LAMA2: variants seen among roughly 807,000 people sequenced by gnomAD.
LAMA2 encodes the protein laminin subunit alpha 2, also known as laminin subunit alpha-2.
A neutral mutation model predicts 364.8 loss-of-function variants in LAMA2; 269 were observed. The observed-to-expected ratio is 0.74, with a 90% CI of 0.67 to 0.82. LAMA2 has a LOEUF of 0.82. Among genes scored for constraint, LAMA2 ranks in the 40% least tolerant of loss-of-function variants. The pLI is 0.00. For synonymous variants in LAMA2, 1,379 were observed against 1,370.6 expected (o/e 1.01, Z -0.14); for missense variants, 3,807 against 3,873.2 (o/e 0.98, Z 0.45).
In LAMA2 at chr6:128,949,491, G is replaced by C; in HGVS notation, c.112+66134G>C. On this transcript the variant is annotated intron_variant, in intron 1 of 64. Transcript: ENST00000421865. ...AAAAGAAAATAAATATCAAAATGTG[G>C]AAATGTTTGAAAAAGAAAGACAAGA... Among the ~76,000 whole-genome samples, 3 of 152,140 alleles carry C rather than the reference G, an allele frequency of 2.0e-5. No homozygotes were observed. The South Asian group carries it at 6.2e-4, about 32-fold the overall frequency.
chr6:129,367,471 C>T (rs1318278794), intron 33 of LAMA2, among the ~76,000 whole-genome samples: 1 of 152,114 alleles, frequency 6.6e-6, no homozygotes, highest in Non-Finnish European at 1.5e-5. Context: ...CGCACAGAGA[C>T]TGGAGAAATC....
At chr6:129,147,264 C>CTTTT (rs10647857) in intron 6 of LAMA2, among the ~76,000 whole-genome samples, 8 of 125,610 alleles carry the variant, frequency 6.4e-5, no homozygotes, top group South Asian at 2.6e-4. Flanking sequence ...TTAGTTTTTC[C>CTTTT]TTTTTTTTTT....
chr6:128,967,789 C>A lies in LAMA2; in HGVS notation c.113-82129C>A, dbSNP rs28583518. 8.5e-4 allele frequency among the ~76,000 whole-genome samples: 129 copies of A among 152,174 alleles called. 1 individual carries two copies. The highest frequency in any genetic ancestry group is 2.9e-3 in the African/African-American group (121 of 41,500). ...TGAAAATTGGATTCCGACTTTTACA[C>A]CTCAGATTATTTCTATTAATTACAC... On this transcript the variant is annotated intron_variant, in intron 1 of 64. Coordinates refer to ENST00000421865, the MANE Select transcript of LAMA2 (RefSeq NM_000426.4).
intron 1 of LAMA2, among the ~76,000 whole-genome samples, chr6:129,035,857 C>T (rs550607175): frequency 6.6e-6 from 1 of 152,136 alleles, no homozygotes; most frequent in African/African-American, 2.4e-5. Flanking sequence ...ATACCATTAC[C>T]ATGCTGTTTT....
intron 12 of LAMA2, among the ~76,000 whole-genome samples, chr6:129,242,865 C>T (rs758386554): frequency 3.8e-4 from 58 of 152,134 alleles, no homozygotes; most frequent in South Asian, 8.3e-4. Context: ...ACAAGTAGTA[C>T]GCTAAGTCAG....
chr6:129,196,715 T>G (rs989067482), intron 12 of LAMA2, among the ~76,000 whole-genome samples: 1 of 152,188 alleles, frequency 6.6e-6, no homozygotes, highest in Non-Finnish European at 1.5e-5. Context: ...ATTATGCAAG[T>G]GAAGAATGGT....
At chr6:129,302,791 T>C (rs1486617663) in intron 22 of LAMA2, among the ~76,000 whole-genome samples, 10 of 152,126 alleles carry the variant, frequency 6.6e-5, no homozygotes, top group African/African-American at 2.4e-4. Flanking sequence ...TTTATGCATT[T>C]CTGGACTCTT....
In LAMA2 at chr6:129,267,089, C is replaced by T. The variant is rs1787572073; in HGVS notation, c.2209-17C>T. On this transcript the variant is annotated splice_polypyrimidine_tract_variant and intron_variant, in intron 15 of 64. Coordinates refer to ENST00000421865, the MANE Select transcript of LAMA2 (RefSeq NM_000426.4). ...TTTTAATCTCCAAGACTGACTAAAG[C>T]CTTATCTTTCTCTCAGTCTTGTTGG... 1 of 1,497,980 alleles carries T rather than the reference C, an allele frequency of 6.7e-7. No homozygotes were observed. The highest frequency in any genetic ancestry group is 9.3e-7 in the Non-Finnish European group (1 of 1,074,100). 92.8% of individuals were successfully genotyped at this position (1,497,980 alleles called of 1,614,324 possible).
intron 29 of LAMA2, among the ~76,000 whole-genome samples, chr6:129,336,013 G>A (rs1449194817): frequency 6.6e-6 from 1 of 152,148 alleles, no homozygotes; most frequent in Non-Finnish European, 1.5e-5. Context: ...ATTTGTCGCA[G>A]GATAGTAAGC....
Position 129,267,124 on chromosome 6 carries a change from A to G in LAMA2, c.2227A>G (p.Arg743Gly), listed in dbSNP as rs1787575888. The G allele has an allele frequency of 6.8e-6, 11 of 1,612,166 alleles. No homozygotes were observed. The highest frequency in any genetic ancestry group is 9.3e-6 in the Non-Finnish European group (11 of 1,178,332). ...CTCTCAGTCTTGTTGGCCTAGGCAC[A>G]GGCGAGTTAACGGCACTATTTTTGG... ...SSCESCWPRH[R>G]RVNGTIFGGI... The change falls in exon 16 of 65, where the codon AGG (arginine) becomes GGG (glycine). Residue 743 changes from arginine to glycine, a missense_variant. Physicochemically the swap from Arg to Gly is moderately radical, Grantham distance 125 (BLOSUM62 -2). Coordinates refer to ENST00000421865, the MANE Select transcript of LAMA2 (RefSeq NM_000426.4).
intron 1 of LAMA2, among the ~76,000 whole-genome samples, chr6:129,023,015 G>C (rs1785543324): frequency 6.6e-6 from 1 of 151,942 alleles, no homozygotes; most frequent in African/African-American, 2.4e-5. Context: ...CACCCTATTA[G>C]TTTTTTCCTT....
At chr6:129,143,672 T>C (rs904330498) in intron 4 of LAMA2, among the ~76,000 whole-genome samples, 18 of 151,962 alleles carry the variant, frequency 1.2e-4, no homozygotes, top group Non-Finnish European at 2.4e-4. Context: ...AGTTGAAGTA[T>C]AAGGAGAAAT....
chr6:128,976,665 T>C (rs1005675198), intron 1 of LAMA2, among the ~76,000 whole-genome samples: 1 of 152,034 alleles, frequency 6.6e-6, no homozygotes, highest in African/African-American at 2.4e-5. Context: ...ATGAAAGGAG[T>C]GTGAAGTGAA....
chr6:128,984,760 A>G (rs1326828458), intron 1 of LAMA2, among the ~76,000 whole-genome samples: 1 of 151,914 alleles, frequency 6.6e-6, no homozygotes, highest in Non-Finnish European at 1.5e-5. Context: ...GGCAACACAC[A>G]TGGTTTAGTT....
rs187993113 is a variant in LAMA2, at chr6:129,224,352, G to A, written c.1783-25760G>A. Among the ~76,000 whole-genome samples the A allele has an allele frequency of 7.1e-3, 1,081 of 152,276 alleles. 6 individuals carry two copies. Among genetic ancestry groups the A allele is most frequent in the Non-Finnish European group, 0.01 (703 of 68,024 alleles). ...TACCCTTCATTACTTTCTCCTGCCTGATTGCCCTGGCCAGAACTTCCAACA... is the reference window on the plus strand; with the variant it reads ...TACCCTTCATTACTTTCTCCTGCCTAATTGCCCTGGCCAGAACTTCCAACA... On this transcript the variant is annotated intron_variant, in intron 12 of 64. Coordinates refer to ENST00000421865, the MANE Select transcript of LAMA2 (RefSeq NM_000426.4).
chr6:128,988,399 G>A, intron 1 of LAMA2, among the ~76,000 whole-genome samples: 1 of 151,866 alleles, frequency 6.6e-6, no homozygotes, highest in Admixed American at 6.6e-5. Context: ...TGTACTTTTA[G>A]GTAAAAAAAA....
chr6:129,488,342 C>T (rs1286051273), intron 56 of LAMA2, among the ~76,000 whole-genome samples: 1 of 152,076 alleles, frequency 6.6e-6, no homozygotes, highest in East Asian at 1.9e-4. Context: ...AACATTTAAA[C>T]TTTAAGGAAT....
intron 32 of LAMA2, among the ~76,000 whole-genome samples, chr6:129,357,013 G>A (rs1441993790): frequency 6.6e-6 from 1 of 151,998 alleles, no homozygotes; most frequent in Non-Finnish European, 1.5e-5. Context: ...AAGTTGGTGA[G>A]TTCTGAAGAG....
intron 1 of LAMA2, among the ~76,000 whole-genome samples, chr6:128,977,785 G>C (rs4243498): frequency 0.61 from 92,350 of 152,020 alleles, 31,563 homozygotes; most frequent in East Asian, 0.82. Flanking sequence ...TTTTACCACT[G>C]TTTTGATAAA....
Sources: allele counts gnomAD v4.1 joint callset (sites outside exome capture counted in the v4.1 genomes callset), GRCh38; gene constraint gnomAD v4.1.1; transcripts MANE v1.5; gene names NCBI Gene and HGNC (gene_info 2026-07-23, HGNC 2026-07-21).